The following MICU3 variants were observed in gnomAD, a reference collection of about 807,000 sequenced individuals.
MICU3 encodes mitochondrial calcium uptake 3.
A neutral mutation model predicts 66.5 loss-of-function variants in MICU3; 62 were observed. The ratio of observed to expected loss-of-function variants is 0.93; its 90% CI spans 0.76 to 1.15. The LOEUF (loss-of-function observed/expected upper bound fraction) is 1.15. MICU3 is among the 50% of genes most tolerant of loss of function. The pLI, the probability that MICU3 is intolerant of heterozygous loss-of-function variation, is 0.00. For missense variants in MICU3, 779 were observed against 664.4 expected, an observed-to-expected ratio of 1.17 and a Z score of -1.90; for synonymous variants, 308 against 240.7, an observed-to-expected ratio of 1.28 and a Z score of -2.59.
At chr8:17,124,042 A>G (rs1262149402), downstream of MICU3, among the ~76,000 whole-genome samples, 3 of 150,136 alleles carry the variant, frequency 2.0e-5, no homozygotes, top group Admixed American at 6.6e-5. Flanking sequence ...ATCTACCTTC[A>G]TATTTCAAGA....
At chr8:17,086,607 T>G (rs1195330195) in intron 6 of MICU3, among the ~76,000 whole-genome samples, 1 of 152,086 alleles carries the variant, frequency 6.6e-6, no homozygotes, top group Non-Finnish European at 1.5e-5. Context: ...AATGGGCCTG[T>G]TTTTCTGCAG....
At chr8:17,115,097 CG>C (rs1802559398) in intron 12 of MICU3, among the ~76,000 whole-genome samples, 1 of 135,506 alleles carries the variant, frequency 7.4e-6, no homozygotes, top group African/African-American at 2.9e-5. Context: ...CCAGCCTGGG[CG>C]ACAGAGCGAG....
At chr8:17,050,828 C>T (rs191481778) in intron 1 of MICU3, among the ~76,000 whole-genome samples, 38 of 152,154 alleles carry the variant, frequency 2.5e-4, no homozygotes, top group South Asian at 8.3e-4. Context: ...TTTTAAAAAA[C>T]GCAGTATAAG....
chr8:17,038,802 A>T (rs553686595), intron 1 of MICU3, among the ~76,000 whole-genome samples: 1 of 152,148 alleles, frequency 6.6e-6, no homozygotes, highest in Non-Finnish European at 1.5e-5. Context: ...AAGTACAAAA[A>T]ATTAGCCAGG....
At chr8:17,073,575 C>T (rs1819926590) in intron 3 of MICU3, among the ~76,000 whole-genome samples, 1 of 152,064 alleles carries the variant, frequency 6.6e-6, no homozygotes, top group East Asian at 1.9e-4. Flanking sequence ...AAATAGAGTG[C>T]ACAATAAATG....
At chr8:17,090,958 C>T (rs550913838) in intron 8 of MICU3, among the ~76,000 whole-genome samples, 3 of 152,128 alleles carry the variant, frequency 2.0e-5, no homozygotes, top group African/African-American at 4.8e-5. Flanking sequence ...ATCTATCCAC[C>T]TTATGTACAG....
chr8:17,028,301 C>T (rs1047787899), intron 1 of MICU3, among the ~76,000 whole-genome samples: 4 of 152,108 alleles, frequency 2.6e-5, no homozygotes, highest in Admixed American at 6.5e-5. Flanking sequence ...CGATAAAACA[C>T]AAAATGGATA....
chr8:17,069,610 T>C, intron 2 of MICU3, 78 bp from the exon 3 acceptor site: 1 of 893,414 alleles, frequency 1.1e-6, no homozygotes, highest in Non-Finnish European at 1.7e-6. Flanking sequence ...TGAGTTATGG[T>C]TGTAGATGGT....
rs536482819 is a variant in MICU3 at position 17,072,454 on chromosome 8, G to GT, written c.567+2748dup. Among the ~76,000 whole-genome samples the GT allele has an allele frequency of 4.3e-3, 611 of 142,742 alleles. 2 individuals are homozygous for GT. The highest frequency in any genetic ancestry group is 0.01 in the African/African-American group (406 of 39,468). 93.6% of individuals were successfully genotyped at this position (142,742 alleles called of 152,430 possible). ...AAAGCAAAAATGAGAGGCATGAGAG[G>GT]TTTTTTTTTTTTTAGATAAGACACA... On this transcript the variant is annotated intron_variant, in intron 3 of 14. Coordinates refer to ENST00000318063, the MANE Select transcript of MICU3 (RefSeq NM_181723.3).
At chr8:17,054,413 A>G (rs1020977726) in intron 1 of MICU3, among the ~76,000 whole-genome samples, 1 of 152,204 alleles carries the variant, frequency 6.6e-6, no homozygotes, top group African/African-American at 2.4e-5. Flanking sequence ...AGGGAGTTTT[A>G]TATTTTGTTT....
At chr8:17,077,972 C>A in intron 4 of MICU3, 111 bp downstream of exon 4, 2 of 533,240 alleles carry the variant, frequency 3.8e-6, no homozygotes, top group South Asian at 4.4e-5. Flanking sequence ...TATGTGTATG[C>A]ATAGAGAAAA....
At chr8:17,040,151 G>A (rs576821018) in intron 1 of MICU3, among the ~76,000 whole-genome samples, 16 of 152,054 alleles carry the variant, frequency 1.1e-4, no homozygotes, top group South Asian at 4.2e-4. Context: ...CAGGTGATCC[G>A]CCCACCTCGG....
At chr8:17,097,678 A>G (rs1800857958) in intron 8 of MICU3, among the ~76,000 whole-genome samples, 1 of 151,742 alleles carries the variant, frequency 6.6e-6, no homozygotes, top group Non-Finnish European at 1.5e-5. Flanking sequence ...CCACCTGAGA[A>G]CCTGTGAAAT....
intron 3 of MICU3, among the ~76,000 whole-genome samples, chr8:17,073,967 C>T (rs1819986543): frequency 6.6e-6 from 1 of 152,078 alleles, no homozygotes; most frequent in African/African-American, 2.4e-5. Flanking sequence ...GAAGTCAAAA[C>T]TATTTTCATC....
chr8:17,105,606 T>C (rs765923159), intron 11 of MICU3, 22 bp downstream of exon 11: 2 of 1,435,984 alleles, frequency 1.4e-6, no homozygotes, highest in African/African-American at 1.5e-5. Context: ...TCATATTTAG[T>C]TGGTTATGTT....
chr8:17,129,534 A>G, the MICU3 span, among the ~76,000 whole-genome samples: 3 of 152,230 alleles, frequency 2.0e-5, no homozygotes, highest in African/African-American at 4.8e-5. Flanking sequence ...AACCTAATAG[A>G]AGATTGGAGA....
intron 3 of MICU3, among the ~76,000 whole-genome samples, chr8:17,071,604 A>G (rs113687304): frequency 0.012 from 1,835 of 152,304 alleles, 40 homozygotes; most frequent in African/African-American, 0.042. Context: ...TGTAGTATGA[A>G]AAAAAGAAGA....
In MICU3 at chr8:17,100,209, CT is replaced by C. The variant is rs778367575; in HGVS notation, c.984+1668del. ...AAACTGGCCAACATTACAAATCAGCCTTTTTTTTTTTTCCCGGACAACTCAG... is the reference window on the plus strand; with the variant it reads ...AAACTGGCCAACATTACAAATCAGCCTTTTTTTTTTTCCCGGACAACTCAG... On this transcript the variant is annotated intron_variant, in intron 9 of 14. Coordinates refer to ENST00000318063, the MANE Select transcript of MICU3 (RefSeq NM_181723.3). Among the ~76,000 whole-genome samples, 305 of 143,812 alleles carry C rather than the reference CT, an allele frequency of 2.1e-3. 1 individual carries two copies. The highest frequency in any genetic ancestry group is 1.8e-3 in the Non-Finnish European group (117 of 65,094). The allele number at this position is 143,812 out of a possible 152,430, so 94.3% of individuals were successfully genotyped here. A position where few individuals can be genotyped will look rare whatever the true frequency, so the allele number is the denominator to read the frequency against.
chr8:17,030,840 T>C (rs1811899992), intron 1 of MICU3, among the ~76,000 whole-genome samples: 3 of 152,146 alleles, frequency 2.0e-5, no homozygotes. Context: ...ATTTGGTCTC[T>C]GCAGAACTCA....
Sources: gnomAD v4.1 joint callset for allele counts (sites outside exome capture counted in the v4.1 genomes callset) on GRCh38, gnomAD v4.1.1 for gene constraint, MANE v1.5 for transcripts, NCBI Gene and HGNC (gene_info 2026-07-23, HGNC 2026-07-21) for gene names.